The following DCLK1 variants were observed in gnomAD, a reference collection of about 807,000 sequenced individuals.
The protein encoded by DCLK1 is serine/threonine-protein kinase DCLK1.
A neutral mutation model predicts 86.2 loss-of-function variants in DCLK1; 16 were observed. That is an observed-to-expected ratio of 0.19 (90% CI 0.13 to 0.28). The LOEUF (loss-of-function observed/expected upper bound fraction) is 0.28. Among genes scored for constraint, DCLK1 ranks in the 10% least tolerant of loss-of-function variants. The pLI is 1.00. For synonymous variants in DCLK1, 369 were observed against 370.5 expected, an observed-to-expected ratio of 1.00 and a Z score of 0.05; for missense variants, 590 against 940.2, an observed-to-expected ratio of 0.63 and a Z score of 4.87.
intron 4 of DCLK1, among the ~76,000 whole-genome samples, chr13:35,903,805 A>G (rs557150227): frequency 2.0e-5 from 3 of 152,346 alleles, no homozygotes; most frequent in Non-Finnish European, 4.4e-5. Flanking sequence ...TTTCTTTAGA[A>G]GCATAAAGTC....
At chr13:35,919,159 T>G (rs1409343017) in intron 4 of DCLK1, among the ~76,000 whole-genome samples, 1 of 152,130 alleles carries the variant, frequency 6.6e-6, no homozygotes, top group Non-Finnish European at 1.5e-5. Flanking sequence ...CCCAAAGTGC[T>G]GGGATTACAG....
At chr13:35,966,988 T>C (rs1171845599) in intron 3 of DCLK1, among the ~76,000 whole-genome samples, 2 of 140,348 alleles carry the variant, frequency 1.4e-5, no homozygotes, top group Non-Finnish European at 1.5e-5. Context: ...TGAGGAGCCC[T>C]TCTGCCCGGC....
At chr13:36,051,592 T>C (rs918902364) in intron 3 of DCLK1, among the ~76,000 whole-genome samples, 1 of 152,276 alleles carries the variant, frequency 6.6e-6, no homozygotes, top group East Asian at 1.9e-4. Flanking sequence ...CCATGACAAT[T>C]TTTTTGAAAT....
chr13:36,045,892 C>A (rs1882897821), intron 3 of DCLK1, among the ~76,000 whole-genome samples: 1 of 151,828 alleles, frequency 6.6e-6, no homozygotes, highest in Non-Finnish European at 1.5e-5. Context: ...AAGTTCAGTG[C>A]TCAATAAAGG....
chr13:35,924,922 T>C (rs1876026832), intron 4 of DCLK1, among the ~76,000 whole-genome samples: 1 of 152,172 alleles, frequency 6.6e-6, no homozygotes, highest in Admixed American at 6.5e-5. Context: ...TGCTTTCACA[T>C]GAGAATAGTA....
intron 3 of DCLK1, among the ~76,000 whole-genome samples, chr13:36,059,712 T>C (rs1206169647): frequency 1.3e-5 from 2 of 152,104 alleles, no homozygotes; most frequent in East Asian, 1.9e-4. Flanking sequence ...CTTAAACAAA[T>C]ATGCTACAAG....
At chr13:35,792,908 C>T (rs898181707) in intron 16 of DCLK1, among the ~76,000 whole-genome samples, 9 of 152,176 alleles carry the variant, frequency 5.9e-5, no homozygotes, top group African/African-American at 9.7e-5. Flanking sequence ...AATCTCACTG[C>T]GTAGCTTTCT....
chr13:35,821,702 T>C (rs926032052), intron 11 of DCLK1, among the ~76,000 whole-genome samples: 1 of 129,066 alleles, frequency 7.7e-6, no homozygotes, highest in African/African-American at 3.5e-5. Context: ...GCACAGTATA[T>C]AGAAATGAAA....
chr13:35,911,861 T>G (rs1380557110), intron 4 of DCLK1, among the ~76,000 whole-genome samples: 2 of 152,080 alleles, frequency 1.3e-5, no homozygotes, highest in Non-Finnish European at 2.9e-5. Flanking sequence ...GTGGGCTGAT[T>G]GTTTTGTTGT....
chr13:35,841,045 G>A (rs1407892562), intron 6 of DCLK1, among the ~76,000 whole-genome samples: 1 of 152,178 alleles, frequency 6.6e-6, no homozygotes, highest in Non-Finnish European at 1.5e-5. Context: ...CTAAGTAAAT[G>A]TCTACAATGT....
At chr13:35,796,600 T>C (rs1299656287) in intron 15 of DCLK1, among the ~76,000 whole-genome samples, 1 of 152,160 alleles carries the variant, frequency 6.6e-6, no homozygotes, top group Non-Finnish European at 1.5e-5. Flanking sequence ...CAAACTTCAG[T>C]CCATTTATTA....
intron 3 of DCLK1, among the ~76,000 whole-genome samples, chr13:35,983,951 G>T (rs1370299373): frequency 2.6e-5 from 4 of 152,114 alleles, no homozygotes; most frequent in Non-Finnish European, 5.9e-5. Context: ...TGGAAATCTG[G>T]GTTTGACTTG....
chr13:35,873,850 A>G (rs756083293), intron 4 of DCLK1, among the ~76,000 whole-genome samples: 8 of 152,160 alleles, frequency 5.3e-5, no homozygotes, highest in Non-Finnish European at 5.9e-5. Flanking sequence ...CATTTTTCCC[A>G]CACGCATATT....
At chr13:35,824,901 C>G (rs1266111485) in intron 10 of DCLK1, among the ~76,000 whole-genome samples, 1 of 152,162 alleles carries the variant, frequency 6.6e-6, no homozygotes, top group East Asian at 1.9e-4. Context: ...GTCCTCAAGC[C>G]TGTCCTCATG....
At chr13:36,059,870 T>C (rs951966553) in intron 3 of DCLK1, among the ~76,000 whole-genome samples, 9 of 46,758 alleles carry the variant, frequency 1.9e-4, no homozygotes, top group Non-Finnish European at 3.4e-4. Context: ...TTAAATCTCT[T>C]TTTTTTTTTT....
At chr13:35,977,112 C>T (rs1351077580) in intron 3 of DCLK1, among the ~76,000 whole-genome samples, 3 of 119,960 alleles carry the variant, frequency 2.5e-5, no homozygotes, top group East Asian at 2.2e-4. Context: ...CTGTATTTTT[C>T]GTGTATGTGT....
chr13:35,962,219 C>G (rs1878499921), intron 3 of DCLK1, among the ~76,000 whole-genome samples: 1 of 152,122 alleles, frequency 6.6e-6, no homozygotes, highest in African/African-American at 2.4e-5. Context: ...AGGATATGAC[C>G]TTGTTTGGAA....
chr13:35,942,767 T>C (rs1016648305), intron 4 of DCLK1, among the ~76,000 whole-genome samples: 1 of 152,144 alleles, frequency 6.6e-6, no homozygotes, highest in Non-Finnish European at 1.5e-5. Flanking sequence ...AAATGCACTG[T>C]TGAAATTCTC....
chr13:36,039,783 C>T (rs1208106771), intron 3 of DCLK1, among the ~76,000 whole-genome samples: 2 of 151,950 alleles, frequency 1.3e-5, no homozygotes, highest in Non-Finnish European at 1.5e-5. Context: ...AAATATGTTG[C>T]TGTATTTTTA....
Sources: allele counts gnomAD v4.1 joint callset (sites outside exome capture counted in the v4.1 genomes callset), GRCh38; gene constraint gnomAD v4.1.1; transcripts MANE v1.5; gene names NCBI Gene and HGNC (gene_info 2026-07-23, HGNC 2026-07-21).